The following GPR160 variants were observed in gnomAD, a reference collection of about 807,000 sequenced individuals.
GPR160 encodes the protein G protein-coupled receptor 160.
A neutral mutation model predicts 2.6 loss-of-function variants in GPR160; 2 were observed. That is an observed-to-expected ratio of 0.77 (90% confidence interval 0.32 to 2.44). GPR160 has a LOEUF of 2.44. Ranked by LOEUF, GPR160 falls within the 30% of genes most tolerant of loss-of-function variation. The pLI is 0.11. For synonymous variants in GPR160, 130 were observed against 132.2 expected (o/e 0.98, Z 0.12); for missense variants, 351 against 383.6 (o/e 0.91, Z 0.71).
At chr3:170,055,713 T>C (rs1031085454) in intron 2 of GPR160, among the ~76,000 whole-genome samples, 2 of 152,102 alleles carry the variant, frequency 1.3e-5, no homozygotes, top group Non-Finnish European at 2.9e-5. Flanking sequence ...CGGCTCACTG[T>C]AAGCTCCGCC....
rs1713383974 is a variant in GPR160 at position 170,085,358 on chromosome 3, C to T, written c.*369C>T. 1 of 170,930 alleles carries T rather than the reference C, an allele frequency of 5.9e-6. No homozygotes were observed. Among genetic ancestry groups the T allele is most frequent in the South Asian group, 2.1e-4 (1 of 4,840 alleles). 10.6% of individuals were successfully genotyped at this position (170,930 alleles called of 1,614,324 possible). A position where few individuals can be genotyped will look rare whatever the true frequency, so the allele number is the denominator to read the frequency against. On this transcript the variant is annotated 3_prime_UTR_variant, in exon 4 of 4. Coordinates refer to ENST00000355897, the MANE Select transcript of GPR160 (RefSeq NM_014373.3). ...TCACTGACAACTTTAAGATATCAAC[C>T]TAAACATTTTTATTAAATGTTCAAA...
At chr3:170,058,679 T>C (rs943879813) in intron 2 of GPR160, among the ~76,000 whole-genome samples, 1 of 152,204 alleles carries the variant, frequency 6.6e-6, no homozygotes, top group African/African-American at 2.4e-5. Flanking sequence ...CCCTTTGACC[T>C]AATGGCCTCA....
intron 2 of GPR160, among the ~76,000 whole-genome samples, chr3:170,072,464 G>A (rs1260507460): frequency 6.6e-6 from 1 of 152,120 alleles, no homozygotes; most frequent in African/African-American, 2.4e-5. Flanking sequence ...AGTCTGTTTT[G>A]TGTCATTATA....
chr3:170,053,869 A>G (rs996522246), intron 2 of GPR160, among the ~76,000 whole-genome samples: 13 of 152,064 alleles, frequency 8.5e-5, no homozygotes, highest in African/African-American at 3.1e-4. Flanking sequence ...TTCTGTATTC[A>G]GTAATGTGAA....
At position 170,038,010 on chromosome 3, in the gene GPR160, G is replaced by C. The variant is rs1360606211; in HGVS notation, c.-527G>C. ...TCTGACGCCCGCATTTCCTGGTCTG[G>C]AGCCGGCTGAGCCACAGCAGGGTCG... On this transcript the variant is annotated 5_prime_UTR_variant, in exon 1 of 4. Coordinates refer to ENST00000355897, the MANE Select transcript of GPR160 (RefSeq NM_014373.3). This position sits in a 1 kb window ranked among gnomAD's most constrained non-coding sequence, Gnocchi z 5.3. The C allele has an allele frequency of 6.6e-6, 1 of 152,356 alleles. No individual in the cohort carries two copies. Among genetic ancestry groups the C allele is most frequent in the Non-Finnish European group, 1.5e-5 (1 of 68,056 alleles). The allele number at this position is 152,356 out of a possible 1,614,324, so 9.4% of individuals were successfully genotyped here.
At chr3:170,044,052 C>CT (rs1419866558) in intron 2 of GPR160, among the ~76,000 whole-genome samples, 2 of 151,226 alleles carry the variant, frequency 1.3e-5, no homozygotes, top group East Asian at 3.9e-4. Context: ...TTGAGAGGCT[C>CT]TTGTTGCAAG....
intron 2 of GPR160, among the ~76,000 whole-genome samples, chr3:170,039,460 G>C (rs1182951063): frequency 6.6e-6 from 1 of 152,194 alleles, no homozygotes; most frequent in African/African-American, 2.4e-5. Context: ...TGTAATCCCA[G>C]CACTTTGGGA....
At chr3:170,045,672 G>A (rs116519426) in intron 2 of GPR160, among the ~76,000 whole-genome samples, 17 of 152,230 alleles carry the variant, frequency 1.1e-4, no homozygotes, top group East Asian at 9.7e-4. Context: ...CCAGACCAGC[G>A]GCTTGATGGG....
In GPR160 at chr3:170,084,033, C is replaced by A. The variant is rs1187856054; in HGVS notation, c.61C>A (p.Pro21Thr). The A allele has an allele frequency of 2.5e-6, 4 of 1,570,284 alleles. No homozygotes were observed. Among genetic ancestry groups the A allele is most frequent in the South Asian group, 2.4e-5 (2 of 83,358 alleles). Residue 21 changes from proline (P) to threonine (T), a missense_variant, in exon 4 of 4, where the codon CCC becomes ACC. Physicochemically the swap from Pro to Thr is conservative, Grantham distance 38 (BLOSUM62 -1). Transcript: ENST00000355897. ...GTACCAGTTACGTCAAACAAACCAG[C>A]CCCTAGATGTTAACTATCTGCTATT... ...FQYQLRQTNQ[P>T]LDVNYLLFLI...
intron 2 of GPR160, among the ~76,000 whole-genome samples, chr3:170,040,190 C>A (rs1455900461): frequency 6.6e-6 from 1 of 152,152 alleles, no homozygotes; most frequent in Admixed American, 6.6e-5. Flanking sequence ...TAAAGTAAAA[C>A]AAAAATAAAA....
At chr3:170,061,877 AGT>A (rs1711978051) in intron 2 of GPR160, among the ~76,000 whole-genome samples, 1 of 152,064 alleles carries the variant, frequency 6.6e-6, no homozygotes, top group Non-Finnish European at 1.5e-5. Context: ...GGCCATGCGC[AGT>A]GGCTCCTGCC....
chr3:170,059,187 G>C (rs1187005711), intron 2 of GPR160, among the ~76,000 whole-genome samples: 3 of 151,962 alleles, frequency 2.0e-5, no homozygotes, highest in African/African-American at 7.3e-5. Context: ...ATATAGTTTT[G>C]ATTTTGAGCC....
intron 2 of GPR160, among the ~76,000 whole-genome samples, chr3:170,071,333 C>T (rs1424430015): frequency 6.6e-6 from 1 of 152,158 alleles, no homozygotes; most frequent in Non-Finnish European, 1.5e-5. Context: ...CATTTAAAAG[C>T]ATGTGGGGCC....
intron 2 of GPR160, among the ~76,000 whole-genome samples, chr3:170,066,843 T>A (rs1712370798): frequency 6.6e-6 from 1 of 152,212 alleles, no homozygotes; most frequent in Non-Finnish European, 1.5e-5. Flanking sequence ...TTGCCATTTG[T>A]AGGAGTTGCT....
chr3:170,073,803 A>C lies in GPR160; in HGVS notation c.-192-5971A>C, dbSNP rs369870847. Among the ~76,000 whole-genome samples the C allele has an allele frequency of 6.6e-5, 10 of 151,776 alleles. No individual in the cohort carries two copies. The East Asian group carries it at 1.2e-3, about 18-fold the overall frequency. ...ATTTTTTCCCTAAATGCTTGATAGA[A>C]TCCATCAATGAAGACATCTGAGCCT... On this transcript the variant is annotated intron_variant, in intron 2 of 3. Transcript: ENST00000355897.
chr3:170,056,055 A>AT (rs1362005116), intron 2 of GPR160, among the ~76,000 whole-genome samples: 4 of 151,946 alleles, frequency 2.6e-5, no homozygotes, highest in East Asian at 1.9e-4. Flanking sequence ...TATATTGTTG[A>AT]TTTTTTTTAA....
chr3:170,074,061 A>G (rs758208363), intron 2 of GPR160, among the ~76,000 whole-genome samples: 3 of 151,334 alleles, frequency 2.0e-5, no homozygotes, highest in African/African-American at 4.9e-5. Flanking sequence ...CTAATTTTTG[A>G]ATTTTTAGTA....
chr3:170,059,131 G>A (rs1190193855), intron 2 of GPR160, among the ~76,000 whole-genome samples: 1 of 151,986 alleles, frequency 6.6e-6, no homozygotes, highest in Non-Finnish European at 1.5e-5. Flanking sequence ...GGATATTAGT[G>A]GAGGAAATAA....
intron 2 of GPR160, among the ~76,000 whole-genome samples, chr3:170,060,007 G>T (rs1335149244): frequency 6.6e-6 from 1 of 151,986 alleles, no homozygotes; most frequent in African/African-American, 2.4e-5. Context: ...TGCATTGGAG[G>T]TATCAGTGTG....
Sources: gnomAD v4.1 joint callset for allele counts (sites outside exome capture counted in the v4.1 genomes callset) on GRCh38, gnomAD v4.1.1 for gene constraint, Gnocchi (gnomAD v3.1) non-coding constraint, MANE v1.5 for transcripts, NCBI Gene and HGNC (gene_info 2026-07-23, HGNC 2026-07-21) for gene names.